KMT2C: variants seen among roughly 807,000 people sequenced by gnomAD.
The protein encoded by KMT2C is histone-lysine N-methyltransferase 2C.
A neutral mutation model predicts 507.9 loss-of-function variants in KMT2C; 88 were observed. The observed-to-expected ratio is 0.17, with a 90% confidence interval of 0.15 to 0.21. The LOEUF is 0.21. Ranked by LOEUF, KMT2C falls within the 10% of genes least tolerant of loss-of-function variation. The probability of loss-of-function intolerance (pLI) is 1.00; values close to 1 mark genes in which losing one functional copy is unlikely to be tolerated. For synonymous variants in KMT2C, 2,049 were observed against 2,080.8 expected (o/e 0.98, Z 0.42); for missense variants, 4,954 against 5,957.8 (o/e 0.83, Z 5.55).
intron 1 of KMT2C, 34 bp downstream of exon 1, chr7:152,435,592 G>A (rs1371991031): frequency 1.5e-6 from 2 of 1,360,024 alleles, no homozygotes; most frequent in Admixed American, 5.8e-5. Flanking sequence ...CGCCGCCGCT[G>A]GCTCCCGGCC....
chr7:152,324,022 A>T (rs1469489834), intron 3 of KMT2C, among the ~76,000 whole-genome samples: 1 of 151,790 alleles, frequency 6.6e-6, no homozygotes, highest in East Asian at 1.9e-4. Context: ...GTAACCAGAC[A>T]CTCGGAGAAG....
chr7:152,381,005 T>C (rs1362687245), intron 1 of KMT2C, among the ~76,000 whole-genome samples: 1 of 152,300 alleles, frequency 6.6e-6, no homozygotes, highest in Non-Finnish European at 1.5e-5. Flanking sequence ...ATCATTTATA[T>C]ACTGGGAAAA....
intron 1 of KMT2C, among the ~76,000 whole-genome samples, chr7:152,361,873 T>C (rs1269572434): frequency 6.6e-6 from 1 of 152,148 alleles, no homozygotes; most frequent in African/African-American, 2.4e-5. Flanking sequence ...AGAGAGATAT[T>C]AACATCCCAC....
intron 9 of KMT2C, among the ~76,000 whole-genome samples, chr7:152,255,123 A>ATATATATATG (rs2095630931): frequency 8.9e-6 from 1 of 112,632 alleles, no homozygotes; most frequent in Non-Finnish European, 1.7e-5. Flanking sequence ...ATATATATAT[A>ATATATATATG]TATATATATA....
chr7:152,268,025 A>T (rs1298674175), intron 7 of KMT2C, among the ~76,000 whole-genome samples: 1 of 152,126 alleles, frequency 6.6e-6, no homozygotes, highest in Non-Finnish European at 1.5e-5. Flanking sequence ...CACGCCTGTA[A>T]TCCCAGCACT....
At chr7:152,422,780 T>C (rs1025097747) in intron 1 of KMT2C, among the ~76,000 whole-genome samples, 12 of 152,012 alleles carry the variant, frequency 7.9e-5, no homozygotes, top group African/African-American at 2.9e-4. Context: ...TCTCAGCACT[T>C]TGGAAGGCCA....
intron 9 of KMT2C, among the ~76,000 whole-genome samples, chr7:152,257,230 G>T (rs1384766130): frequency 1.3e-5 from 2 of 152,126 alleles, no homozygotes. Context: ...GTGATTTCCA[G>T]ATTTTATTAC....
chr7:152,325,802 AC>A (rs1170374221), intron 3 of KMT2C, among the ~76,000 whole-genome samples: 1 of 151,992 alleles, frequency 6.6e-6, no homozygotes, highest in Non-Finnish European at 1.5e-5. Context: ...GTCTTTCCTT[AC>A]CCCAAAGCAA....
At position 152,315,604 on chromosome 7, in the gene KMT2C, T is replaced by C. The variant is rs940129000; in HGVS notation, c.390-266A>G. ...AAATTCTAGTTAGCAGTTAGAAAAG[T>C]TATTTTCTTTTATATTTGACTAGAA... is the stretch of plus-strand genomic sequence containing the variant. On this transcript the variant is annotated intron_variant, in intron 3 of 58. Coordinates refer to ENST00000262189, the MANE Select transcript of KMT2C (RefSeq NM_170606.3). 2.0e-4 allele frequency among the ~76,000 whole-genome samples: 31 copies of C among 152,182 alleles called. 1 individual carries two copies. Among genetic ancestry groups the C allele is most frequent in the African/African-American group, 7.5e-4 (31 of 41,442 alleles).
intron 2 of KMT2C, among the ~76,000 whole-genome samples, chr7:152,332,859 C>CAA (rs1176103287): frequency 8.2e-5 from 12 of 146,734 alleles, no homozygotes; most frequent in Non-Finnish European, 1.2e-4. Flanking sequence ...AAAACACACA[C>CAA]ACACACACAC....
At chr7:152,303,369 C>A (rs1338924098) in intron 6 of KMT2C, among the ~76,000 whole-genome samples, 1 of 152,192 alleles carries the variant, frequency 6.6e-6, no homozygotes, top group African/African-American at 2.4e-5. Flanking sequence ...CTGCATATTG[C>A]AGAATGTTTA....
chr7:152,210,914 G>C (rs920997327), intron 23 of KMT2C, among the ~76,000 whole-genome samples: 6 of 152,150 alleles, frequency 3.9e-5, no homozygotes, highest in Non-Finnish European at 8.8e-5. Flanking sequence ...GAGAAAAACT[G>C]AGTATGTTTC....
In KMT2C at chr7:152,351,574, A is replaced by G. The variant is rs1045461130; in HGVS notation, c.250+7013T>C. ...AATTCTCAACAGTAACAATTGTAAT[A>G]TGCATCCCTTTGTTGTGGGAAGTCA... On this transcript the variant is annotated intron_variant, in intron 2 of 58. Transcript: ENST00000262189. 5.3e-5 allele frequency among the ~76,000 whole-genome samples: 8 copies of G among 152,264 alleles called. No individual in the cohort carries two copies. The East Asian group carries it at 1.5e-3, about 29-fold the overall frequency.
At chr7:152,286,516 C>T (rs2096299598) in intron 6 of KMT2C, among the ~76,000 whole-genome samples, 1 of 152,312 alleles carries the variant, frequency 6.6e-6, no homozygotes, top group Admixed American at 6.5e-5. Context: ...AACAATGCAA[C>T]ATCTTTTAAA....
chr7:152,376,622 T>C (rs913211207), intron 1 of KMT2C, among the ~76,000 whole-genome samples: 2 of 152,178 alleles, frequency 1.3e-5, no homozygotes, highest in Non-Finnish European at 2.9e-5. Context: ...TTCAATTCTA[T>C]GAAGGCTGAG....
intron 6 of KMT2C, among the ~76,000 whole-genome samples, chr7:152,309,507 CT>C (rs60166582): frequency 0.084 from 7,392 of 87,910 alleles, 274 homozygotes; most frequent in African/African-American, 0.14. Flanking sequence ...CATAAAATAA[CT>C]TTTTTTTTTT....
At chr7:152,296,229 G>C (rs1047125376) in intron 6 of KMT2C, among the ~76,000 whole-genome samples, 1 of 151,752 alleles carries the variant, frequency 6.6e-6, no homozygotes, top group African/African-American at 2.4e-5. Context: ...AGGAGTTCAA[G>C]ACTAGCCTGG....
At chr7:152,416,201 C>A (rs1589884561) in intron 1 of KMT2C, among the ~76,000 whole-genome samples, 1 of 152,212 alleles carries the variant, frequency 6.6e-6, no homozygotes, top group Non-Finnish European at 1.5e-5. Flanking sequence ...ACCAGCCTGG[C>A]CAACATGGCG....
intron 31 of KMT2C, among the ~76,000 whole-genome samples, chr7:152,189,193 T>C (rs892415610): frequency 4.3e-4 from 65 of 152,220 alleles, no homozygotes; most frequent in African/African-American, 1.5e-3. Flanking sequence ...CCAGTCCTTA[T>C]TGTGAAAGTC....
Sources: allele counts gnomAD v4.1 joint callset (sites outside exome capture counted in the v4.1 genomes callset), GRCh38; gene constraint gnomAD v4.1.1; transcripts MANE v1.5; gene names NCBI Gene and HGNC (gene_info 2026-07-23, HGNC 2026-07-21).